The following FAM184A variants were observed in gnomAD, a reference collection of about 807,000 sequenced individuals.
The protein encoded by FAM184A is protein FAM184A.
In FAM184A, 99 loss-of-function variants were observed where a neutral mutation model predicts 143.8. The observed-to-expected ratio is 0.69, with a 90% confidence interval of 0.58 to 0.81. The LOEUF (loss-of-function observed/expected upper bound fraction) is 0.81. Ranked by LOEUF, FAM184A falls within the 40% of genes least tolerant of loss-of-function variation. The probability of loss-of-function intolerance (pLI) is 0.00; values close to 1 mark genes in which losing one functional copy is unlikely to be tolerated. For missense variants in FAM184A, 1,217 were observed against 1,310.5 expected (o/e 0.93, Z 1.10); for synonymous variants, 427 against 446.4 (o/e 0.96, Z 0.55).
chr6:119,071,228 C>T (rs1787674733), intron 1 of FAM184A, among the ~76,000 whole-genome samples: 1 of 152,072 alleles, frequency 6.6e-6, no homozygotes, highest in Non-Finnish European at 1.5e-5. Context: ...ATAAACTAAA[C>T]AGATAGTGAA....
At chr6:119,116,262 C>A (rs1422483780) in intron 1 of FAM184A, among the ~76,000 whole-genome samples, 1 of 152,004 alleles carries the variant, frequency 6.6e-6, no homozygotes, top group African/African-American at 2.4e-5. Context: ...AGGCAAAAAA[C>A]CAGATACCGC....
At position 118,982,216 on chromosome 6, in the gene FAM184A, T is replaced by C. The variant is rs139368423; in HGVS notation, c.2089-1866A>G. ...AAAGAAAAAATAAACCACAAAAGGG[T>C]AACAAGAACAAAAATAGACATTTGT... On this transcript the variant is annotated intron_variant, in intron 9 of 17. Coordinates refer to ENST00000338891, the MANE Select transcript of FAM184A (RefSeq NM_024581.6). 9.4e-3 allele frequency among the ~76,000 whole-genome samples: 1,427 copies of C among 152,178 alleles called. 24 individuals are homozygous for C. The highest frequency in any genetic ancestry group is 0.054 in the Middle Eastern group (16 of 294).
intron 1 of FAM184A, among the ~76,000 whole-genome samples, chr6:119,118,719 G>A (rs1789126586): frequency 6.6e-6 from 1 of 152,074 alleles, no homozygotes; most frequent in South Asian, 2.1e-4. Flanking sequence ...TGAGGAGGAT[G>A]TATGTCATCT....
chr6:118,967,255 G>A (rs537524312), intron 14 of FAM184A, among the ~76,000 whole-genome samples: 4 of 152,316 alleles, frequency 2.6e-5, no homozygotes, highest in African/African-American at 9.6e-5. Context: ...AAGCTCTGCA[G>A]AAGAAATTAT....
At chr6:119,147,065 T>G (rs1031691095) in intron 1 of FAM184A, among the ~76,000 whole-genome samples, 3 of 106,654 alleles carry the variant, frequency 2.8e-5, no homozygotes, top group Non-Finnish European at 5.8e-5. Context: ...GCAGGCTCTG[T>G]TTTTTTTTTT....
At chr6:119,076,059 G>A (rs186282853) in intron 1 of FAM184A, among the ~76,000 whole-genome samples, 40 of 152,040 alleles carry the variant, frequency 2.6e-4, no homozygotes, top group Non-Finnish European at 3.7e-4. Context: ...TACCCTGCCC[G>A]CTCCTGGGAA....
chr6:119,102,784 C>CAAAAAAAAAAAAAA (rs58686018), intron 1 of FAM184A, among the ~76,000 whole-genome samples: 27 of 30,090 alleles, frequency 9.0e-4, no homozygotes, highest in African/African-American at 2.0e-3. Context: ...GACTCCATCT[C>CAAAAAAAAAAAAAA]AAAAAAAAAA....
intron 1 of FAM184A, among the ~76,000 whole-genome samples, chr6:119,060,294 ATAT>A (rs1787180288): frequency 6.6e-6 from 1 of 152,176 alleles, no homozygotes; most frequent in East Asian, 1.9e-4. Context: ...TCTTGCTGGC[ATAT>A]ATGAAAAGGG....
chr6:119,007,512 T>C (rs928549796), intron 6 of FAM184A, among the ~76,000 whole-genome samples: 2 of 152,298 alleles, frequency 1.3e-5, no homozygotes, highest in African/African-American at 4.8e-5. Context: ...GTGGTGTCTC[T>C]AAAGGAATGC....
chr6:119,064,574 C>T (rs1013490514), intron 1 of FAM184A, among the ~76,000 whole-genome samples: 5 of 152,040 alleles, frequency 3.3e-5, no homozygotes, highest in East Asian at 3.9e-4. Flanking sequence ...GGCATAGTGG[C>T]GCATACCTGT....
Position 119,024,138 on chromosome 6 carries a change from C to T in FAM184A, c.835G>A (p.Ala279Thr). The change falls in exon 2 of 18, where the codon GCC becomes ACC. Residue 279 changes from alanine (A) to threonine (T), a missense_variant. Transcript: ENST00000338891. ...SQLFTAESLQ[A>T]SKEKEADLRK... ...AGATCAGCTTCCTTTTCTTTGCTGG[C>T]CTGTAGGCTTTCTGCTGTAAAAAGC... is the stretch of plus-strand genomic sequence containing the variant. 1 of 1,614,154 alleles carries T rather than the reference C, an allele frequency of 6.2e-7. No homozygotes were observed. The highest frequency in any genetic ancestry group is 8.5e-7 in the Non-Finnish European group (1 of 1,180,026).
intron 1 of FAM184A, among the ~76,000 whole-genome samples, chr6:119,120,268 A>G (rs2114860235): frequency 6.6e-6 from 1 of 152,336 alleles, no homozygotes; most frequent in South Asian, 2.1e-4. Flanking sequence ...ATCATACAAT[A>G]TATGGTATTC....
chr6:119,130,053 T>TA lies in FAM184A; in HGVS notation c.-202+19024dup, dbSNP rs35928307. Among the ~76,000 whole-genome samples, 949 of 152,114 alleles carry TA rather than the reference T, an allele frequency of 6.2e-3. 39 individuals carry two copies. The East Asian group carries it at 0.095, about 15-fold the overall frequency. On this transcript the variant is annotated intron_variant, in intron 1 of 16. Coordinates refer to the FAM184A transcript ENST00000352896. ...TCGCAAGGTTTTAAACATTTTTTTTTAAAGATAGAGGTGAAATACTTGGAG... is the reference window on the plus strand; with the variant it reads ...TCGCAAGGTTTTAAACATTTTTTTTTAAAAGATAGAGGTGAAATACTTGGAG...
At chr6:119,144,523 A>G (rs1329629151) in intron 1 of FAM184A, among the ~76,000 whole-genome samples, 6 of 152,294 alleles carry the variant, frequency 3.9e-5, no homozygotes, top group African/African-American at 1.4e-4. Context: ...CTGCTGTTAG[A>G]GTCAGCGTGG....
intron 1 of FAM184A, among the ~76,000 whole-genome samples, chr6:119,048,190 G>GA (rs1169829386): frequency 2.0e-5 from 3 of 151,984 alleles, no homozygotes; most frequent in East Asian, 3.9e-4. Flanking sequence ...CCCTTCATGT[G>GA]AAAAAAACTC....
intron 1 of FAM184A, among the ~76,000 whole-genome samples, chr6:119,144,266 G>A (rs1489358651): frequency 5.3e-5 from 8 of 151,156 alleles, no homozygotes; most frequent in African/African-American, 7.3e-5. Flanking sequence ...CCTGGGAGGC[G>A]GAGCTTGCAG....
At chr6:119,055,651 C>T (rs188181546) in intron 1 of FAM184A, among the ~76,000 whole-genome samples, 41 of 152,210 alleles carry the variant, frequency 2.7e-4, no homozygotes, top group Non-Finnish European at 4.4e-4. Flanking sequence ...TGATGGTGAC[C>T]TAATTCTTTG....
At chr6:119,083,193 G>T (rs77830159), upstream of FAM184A, among the ~76,000 whole-genome samples, 1,716 of 152,330 alleles carry the variant, frequency 0.011, 20 homozygotes, top group South Asian at 0.045. Flanking sequence ...AAGTGGCAAG[G>T]CCTTGGGCCC....
chr6:119,058,753 C>A (rs372120328), intron 1 of FAM184A, among the ~76,000 whole-genome samples: 1 of 152,084 alleles, frequency 6.6e-6, no homozygotes. Flanking sequence ...TTCGAGTTAT[C>A]CTGGTCTAGG....
Sources: gnomAD v4.1 joint callset for allele counts (sites outside exome capture counted in the v4.1 genomes callset) on GRCh38, gnomAD v4.1.1 for gene constraint, MANE v1.5 for transcripts, NCBI Gene and HGNC (gene_info 2026-07-23, HGNC 2026-07-21) for gene names.